Variants in SNF8 observed in about 807,000 individuals in gnomAD.
The protein encoded by SNF8 is vacuolar-sorting protein SNF8.
Under a neutral mutation model 36.8 loss-of-function variants are expected in SNF8, and 19 were observed. The ratio of observed to expected loss-of-function variants is 0.52; its 90% CI spans 0.36 to 0.76. The LOEUF (loss-of-function observed/expected upper bound fraction) is 0.76. Ranked by LOEUF, SNF8 falls within the 30% of genes least tolerant of loss-of-function variation. The pLI, the probability that SNF8 is intolerant of heterozygous loss-of-function variation, is 0.00. For missense variants in SNF8, 268 were observed against 322.9 expected (o/e 0.83, Z 1.30); for synonymous variants, 127 against 127.4 (o/e 1.00, Z 0.02).
intron 3 of SNF8, among the ~76,000 whole-genome samples, chr17:48,938,670 C>G (rs898939431): frequency 6.6e-6 from 1 of 152,046 alleles, no homozygotes; most frequent in Non-Finnish European, 1.5e-5. Flanking sequence ...GAGATCAAGA[C>G]CATCCTGGCT....
intron 1 of SNF8, 136 bp from the exon 2 acceptor site, chr17:48,944,111 G>C (rs1433553033): frequency 1.3e-6 from 1 of 740,888 alleles, no homozygotes; most frequent in East Asian, 2.8e-5. Flanking sequence ...AGCCATCCTG[G>C]CTAACACAGT....
chr17:48,930,728 C>G, intron 7 of SNF8, 116 bp from the exon 8 acceptor site: 3 of 1,093,944 alleles, frequency 2.7e-6, no homozygotes, highest in Non-Finnish European at 2.6e-6. Flanking sequence ...ACTAAATCTA[C>G]TAAGTGCCTT....
At chr17:48,933,513 G>A (rs1199896101) in intron 5 of SNF8, 167 bp from the exon 6 acceptor site, 52 of 703,688 alleles carry the variant, frequency 7.4e-5, no homozygotes, top group Non-Finnish European at 1.1e-4. Flanking sequence ...TGCCCACATT[G>A]AGAAGACTGC....
At position 48,937,130 on chromosome 17, in the gene SNF8, A is replaced by G; in HGVS notation, c.245-6T>C. ...AGACCAAAATCCTTTTCCAGCTACA[A>G]GACAGAAAAACAAAATCTCGGTTAT... On this transcript the variant is annotated splice_polypyrimidine_tract_variant and splice_region_variant and intron_variant, in intron 3 of 7. Coordinates refer to ENST00000502492, the MANE Select transcript of SNF8 (RefSeq NM_007241.4). 6.2e-7 allele frequency: 1 copy of G among 1,603,834 alleles called. No homozygotes were observed. The highest frequency in any genetic ancestry group is 8.5e-7 in the Non-Finnish European group (1 of 1,170,594).
chr17:48,942,522 T>G (rs1274714434), intron 2 of SNF8, among the ~76,000 whole-genome samples: 1 of 151,910 alleles, frequency 6.6e-6, no homozygotes, highest in Non-Finnish European at 1.5e-5. Flanking sequence ...TCACAATCAC[T>G]GGGTAAACTC....
At position 48,943,839 on chromosome 17, in the gene SNF8, T is replaced by C. The variant is rs1249256381; in HGVS notation, c.105+86A>G. ...GCCAAACACCCTATTTCTAGTTCAA[T>C]CTACACAATCAAGTTCGTATCCAAG... On this transcript the variant is annotated intron_variant, in intron 2 of 7. Coordinates refer to ENST00000502492, the MANE Select transcript of SNF8 (RefSeq NM_007241.4). The C allele has an allele frequency of 3.3e-6, 4 of 1,224,002 alleles. No individual in the cohort carries two copies. In the South Asian group the frequency reaches 3.6e-5, roughly 11 times the overall value. 75.8% of individuals were successfully genotyped at this position (1,224,002 alleles called of 1,614,324 possible).
At chr17:48,942,241 A>C (rs556279910) in intron 2 of SNF8, among the ~76,000 whole-genome samples, 1 of 152,050 alleles carries the variant, frequency 6.6e-6, no homozygotes, top group African/African-American at 2.4e-5. Flanking sequence ...CTCATATAAA[A>C]CTGTTAGAAA....
At position 48,940,659 on chromosome 17, in the gene SNF8, G is replaced by A. The variant is rs144772278; in HGVS notation, c.244+265C>T. ...CAAAAAATTAGCTGGACGTGGTCGC[G>A]AGCACCTGTATTCCCAGCTACTCGG... is the stretch of plus-strand genomic sequence containing the variant. On this transcript the variant is annotated intron_variant, in intron 3 of 7. Transcript: ENST00000502492. Among the ~76,000 whole-genome samples, 21 of 152,138 alleles carry A rather than the reference G, an allele frequency of 1.4e-4. No homozygotes were observed. The East Asian group carries it at 3.5e-3, about 25-fold the overall frequency.
At chr17:48,937,252 T>A in intron 3 of SNF8, 128 bp from the exon 4 acceptor site, 2 of 779,462 alleles carry the variant, frequency 2.6e-6, no homozygotes, top group South Asian at 2.8e-5. Flanking sequence ...TTCTGCTCCA[T>A]CTGCTACTCA....
At chr17:48,940,849 G>C in intron 3 of SNF8, 75 bp downstream of exon 3, 1 of 1,542,330 alleles carries the variant, frequency 6.5e-7, no homozygotes, top group Non-Finnish European at 8.9e-7. Flanking sequence ...CCCAACAGTG[G>C]TAACAACAAC....
Position 48,930,510 on chromosome 17 carries a change from TCTC to T in SNF8, c.739_741del (p.Glu247del), listed in dbSNP as rs776117941. On this transcript the variant is annotated inframe_deletion, in exon 8 of 8. Coordinates refer to ENST00000502492, the MANE Select transcript of SNF8 (RefSeq NM_007241.4). ...GCTTCTCTGGCCTCCTCAGCTGTAA[TCTC>T]CTGGGAGTAGAGGTCAGTGAAGAGA... The T allele has an allele frequency of 8.7e-6, 14 of 1,611,570 alleles. No individual in the cohort carries two copies. The highest frequency in any genetic ancestry group is 4.4e-5 in the South Asian group (4 of 90,716).
Position 48,941,450 on chromosome 17 carries a change from A to G in SNF8, c.106-388T>C, listed in dbSNP as rs533745165. Among the ~76,000 whole-genome samples the G allele has an allele frequency of 2.8e-4, 42 of 152,268 alleles. No homozygotes were observed. In the South Asian group the frequency reaches 8.5e-3, roughly 31 times the overall value. On this transcript the variant is annotated intron_variant, in intron 2 of 7. Transcript: ENST00000502492. ...GTATTAATTTGAAGATGTACCTAATAATTCATCATATCTTAGAAATGAGGG... is the reference window on the plus strand; with the variant it reads ...GTATTAATTTGAAGATGTACCTAATGATTCATCATATCTTAGAAATGAGGG...
At chr17:48,938,291 G>A (rs2040965567) in intron 3 of SNF8, among the ~76,000 whole-genome samples, 1 of 150,798 alleles carries the variant, frequency 6.6e-6, no homozygotes, top group Non-Finnish European at 1.5e-5. Context: ...GAGGTCAGGA[G>A]TTCGAGAACA....
In SNF8 at chr17:48,940,284, G is replaced by C. The variant is rs1398523527; in HGVS notation, c.244+640C>G. On this transcript the variant is annotated intron_variant, in intron 3 of 7. Transcript: ENST00000502492. Reference sequence around the variant, plus strand: ...TTTAACTCCTGGATTCAAGTGATCTGCCTGCCTTGGCCTTGCAAAGTGCTG... The same window carrying C: ...TTTAACTCCTGGATTCAAGTGATCTCCCTGCCTTGGCCTTGCAAAGTGCTG... Among the ~76,000 whole-genome samples, 3 of 151,552 alleles carry C rather than the reference G, an allele frequency of 2.0e-5. No individual in the cohort carries two copies. In the South Asian group the frequency reaches 6.3e-4, roughly 32 times the overall value.
chr17:48,936,152 T>C lies in SNF8; in HGVS notation c.422+18A>G, dbSNP rs1473060049. On this transcript the variant is annotated intron_variant, in intron 5 of 7. Coordinates refer to ENST00000502492, the MANE Select transcript of SNF8 (RefSeq NM_007241.4). ...AGACCTCTTTCTGTACTCCAAGGGA[T>C]TGGAAGACAAGACCTACTGACTGAC... 2 of 1,597,022 alleles carry C rather than the reference T, an allele frequency of 1.3e-6. No individual in the cohort carries two copies. The highest frequency in any genetic ancestry group is 1.3e-5 in the African/African-American group (1 of 74,546).
rs1005962684 is a variant in SNF8 at position 48,929,912 on chromosome 17, C to G, written c.*563G>C. 1 of 152,160 alleles carries G rather than the reference C, an allele frequency of 6.6e-6. No individual in the cohort carries two copies. The highest frequency in any genetic ancestry group is 1.9e-4 in the East Asian group (1 of 5,200). The allele number at this position is 152,160 out of a possible 1,614,324, so 9.4% of individuals were successfully genotyped here. A position where few individuals can be genotyped will look rare whatever the true frequency, so the allele number is the denominator to read the frequency against. Reference sequence around the variant, plus strand: ...GGAATTTAAGAAAATAGAACATTCCCTAACTATTGTTTGATTCCCCTCAGA... The same window carrying G: ...GGAATTTAAGAAAATAGAACATTCCGTAACTATTGTTTGATTCCCCTCAGA... On this transcript the variant is annotated 3_prime_UTR_variant, in exon 8 of 8. Transcript: ENST00000502492.
chr17:48,931,719 TGAAG>T lies in SNF8; in HGVS notation c.565-6_565-3del, dbSNP rs750558642. On this transcript the variant is annotated splice_region_variant and splice_polypyrimidine_tract_variant and intron_variant, in intron 6 of 7. Coordinates refer to ENST00000502492, the MANE Select transcript of SNF8 (RefSeq NM_007241.4). ...ACTGACAGTCACGTAGCCATTCTTC[TGAAG>T]GAAGGAGGAATGGGGATTGAATCAG... 18 of 1,611,938 alleles carry T rather than the reference TGAAG, an allele frequency of 1.1e-5. No individual in the cohort carries two copies. In the African/African-American group the frequency reaches 2.3e-4, roughly 20 times the overall value.
intron 1 of SNF8, chr17:48,944,194 C>T: frequency 2.0e-6 from 1 of 491,412 alleles, no homozygotes; most frequent in South Asian, 2.1e-5. Flanking sequence ...CCCAGCTACT[C>T]AGGAGGCTGA....
At chr17:48,940,046 G>A (rs571707756) in intron 3 of SNF8, among the ~76,000 whole-genome samples, 1 of 144,280 alleles carries the variant, frequency 6.9e-6, no homozygotes, top group East Asian at 2.1e-4. Flanking sequence ...CTGCACTCCA[G>A]CGTAGGTGAC....
Sources: gnomAD v4.1 joint callset for allele counts (sites outside exome capture counted in the v4.1 genomes callset) on GRCh38, gnomAD v4.1.1 for gene constraint, MANE v1.5 for transcripts, NCBI Gene and HGNC (gene_info 2026-07-23, HGNC 2026-07-21) for gene names.